The following SMIM3 variants were observed in gnomAD, a reference collection of about 807,000 sequenced individuals.
SMIM3 encodes the protein NGF-induced differentiation clone 67 protein.
Under a neutral mutation model 2.1 loss-of-function variants are expected in SMIM3, and 4 were observed. The ratio of observed to expected loss-of-function variants is 1.89; its 90% confidence interval spans 0.93 to 4.31. The LOEUF is 4.31. Among genes scored for constraint, SMIM3 ranks in the 30% most tolerant of loss-of-function variants. The probability of loss-of-function intolerance (pLI) is 0.01; values close to 1 mark genes in which losing one functional copy is unlikely to be tolerated. For synonymous variants in SMIM3, 29 were observed against 30.8 expected (o/e 0.94, Z 0.19); for missense variants, 79 against 77.7 (o/e 1.02, Z -0.06).
At position 150,793,537 on chromosome 5, in the gene SMIM3, C is replaced by G. The variant is rs114542585; in HGVS notation, c.-11-1893C>G. On this transcript the variant is annotated intron_variant, in intron 1 of 1. Coordinates refer to ENST00000526627, the MANE Select transcript of SMIM3 (RefSeq NM_032947.5). ...AACCCAAATACTTACAGCAAACTGA[C>G]CTTCAACAAAGCAAACAAAAACATG... 9.5e-3 allele frequency among the ~76,000 whole-genome samples: 1,439 copies of G among 152,210 alleles called. 23 individuals carry two copies. Among genetic ancestry groups the G allele is most frequent in the African/African-American group, 0.033 (1,362 of 41,538 alleles).
chr5:150,791,194 TA>T, intron 1 of SMIM3, among the ~76,000 whole-genome samples: 1 of 152,344 alleles, frequency 6.6e-6, no homozygotes, highest in East Asian at 1.9e-4. Context: ...CCTATTTCCC[TA>T]CTTAATTCTA....
intron 1 of SMIM3, among the ~76,000 whole-genome samples, chr5:150,788,607 C>G (rs961839850): frequency 1.4e-5 from 2 of 143,712 alleles, no homozygotes; most frequent in African/African-American, 5.4e-5. Context: ...GCACTCCAGC[C>G]TGGGCAACTG....
At chr5:150,786,410 C>T (rs1753294041) in intron 1 of SMIM3, among the ~76,000 whole-genome samples, 1 of 152,144 alleles carries the variant, frequency 6.6e-6, no homozygotes, top group Admixed American at 6.5e-5. Context: ...ACCTCAGCCT[C>T]CTGAGTAGCT....
chr5:150,782,561 C>T (rs545590125), intron 1 of SMIM3, among the ~76,000 whole-genome samples: 3 of 152,268 alleles, frequency 2.0e-5, no homozygotes, highest in South Asian at 2.1e-4. Flanking sequence ...TAGAGGGCTT[C>T]GTTCTGAAAG....
intron 1 of SMIM3, among the ~76,000 whole-genome samples, chr5:150,794,908 G>A (rs898194739): frequency 6.6e-6 from 1 of 152,094 alleles, no homozygotes; most frequent in African/African-American, 2.4e-5. Flanking sequence ...GTGTCCCAAC[G>A]AAACCACACA....
At chr5:150,783,703 C>T (rs569844274) in intron 1 of SMIM3, among the ~76,000 whole-genome samples, 1 of 152,296 alleles carries the variant, frequency 6.6e-6, no homozygotes, top group Admixed American at 6.5e-5. Flanking sequence ...GCAGTAAAAC[C>T]GGTTGGATAA....
rs988832322 is a variant in SMIM3 at position 150,796,382 on chromosome 5, G to T, written c.*759G>T. 1 of 152,336 alleles carries T rather than the reference G, an allele frequency of 6.6e-6. No individual in the cohort carries two copies. The highest frequency in any genetic ancestry group is 6.6e-5 in the Admixed American group (1 of 15,266). 9.4% of individuals were successfully genotyped at this position (152,336 alleles called of 1,614,324 possible). A position where few individuals can be genotyped will look rare whatever the true frequency, so the allele number is the denominator to read the frequency against. ...ATCTCTGGCCCCCATCCCCTTGTGTGTGTCCCTCTGCCCAGCTCCTGCTGT... is the reference window on the plus strand; with the variant it reads ...ATCTCTGGCCCCCATCCCCTTGTGTTTGTCCCTCTGCCCAGCTCCTGCTGT... On this transcript the variant is annotated 3_prime_UTR_variant, in exon 2 of 2. Coordinates refer to ENST00000526627, the MANE Select transcript of SMIM3 (RefSeq NM_032947.5).
intron 1 of SMIM3, among the ~76,000 whole-genome samples, chr5:150,781,547 T>G (rs1753232767): frequency 6.6e-6 from 1 of 152,230 alleles, no homozygotes; most frequent in Non-Finnish European, 1.5e-5. Flanking sequence ...ATTTGCACTC[T>G]GATTGGCTGA....
chr5:150,794,408 G>A (rs979572685), intron 1 of SMIM3, among the ~76,000 whole-genome samples: 14 of 152,096 alleles, frequency 9.2e-5, no homozygotes. Context: ...CAAAATCATG[G>A]AACAAACCCA....
chr5:150,784,763 G>T (rs531031264), intron 1 of SMIM3, among the ~76,000 whole-genome samples: 1 of 152,032 alleles, frequency 6.6e-6, no homozygotes, highest in African/African-American at 2.4e-5. Context: ...GTACCCTAAC[G>T]GTCCTTGTTA....
At chr5:150,779,654 C>T (rs960952852) in intron 1 of SMIM3, among the ~76,000 whole-genome samples, 1 of 152,114 alleles carries the variant, frequency 6.6e-6, no homozygotes, top group Admixed American at 6.6e-5. Flanking sequence ...TTCCTGAGGA[C>T]GTAGTTGTTC....
chr5:150,779,610 C>T (rs1187576036), intron 1 of SMIM3, among the ~76,000 whole-genome samples: 1 of 152,182 alleles, frequency 6.6e-6, no homozygotes, highest in Non-Finnish European at 1.5e-5. Context: ...GAGAAGGCTT[C>T]CTTCAAGCTC....
At chr5:150,792,711 A>C (rs938384644) in intron 1 of SMIM3, among the ~76,000 whole-genome samples, 3 of 152,036 alleles carry the variant, frequency 2.0e-5, no homozygotes, top group African/African-American at 4.8e-5. Context: ...ATTAGCATTA[A>C]ATTAGATTAA....
intron 1 of SMIM3, among the ~76,000 whole-genome samples, chr5:150,779,504 T>A (rs1486005153): frequency 2.0e-5 from 3 of 152,188 alleles, no homozygotes; most frequent in Non-Finnish European, 4.4e-5. Context: ...TGTCACTAAC[T>A]GCTTCACCAT....
chr5:150,780,388 A>C (rs1753219241), intron 1 of SMIM3, among the ~76,000 whole-genome samples: 1 of 152,134 alleles, frequency 6.6e-6, no homozygotes, highest in South Asian at 2.1e-4. Context: ...CTGCAGTGAC[A>C]ACTGAAAAAA....
chr5:150,791,332 A>T (rs756209633), intron 1 of SMIM3, among the ~76,000 whole-genome samples: 2 of 152,054 alleles, frequency 1.3e-5, no homozygotes, highest in Non-Finnish European at 2.9e-5. Context: ...AAATAAATTA[A>T]TTTTTTTATC....
In SMIM3 at chr5:150,778,832, C is replaced by T. The variant is rs1753201583; in HGVS notation, c.-152C>T. On this transcript the variant is annotated 5_prime_UTR_variant, in exon 1 of 2. In the 5' UTR this introduces an upstream ATG that the reference lacks. Transcript: ENST00000526627. ...CCCGGGGCTCGGAGGAGCCGGGGCA[C>T]GTTCCAGGAGCTGCCTAGGGCTGAG... is the stretch of plus-strand genomic sequence containing the variant. 2 of 477,072 alleles carry T rather than the reference C, an allele frequency of 4.2e-6. No individual in the cohort carries two copies. Among genetic ancestry groups the T allele is most frequent in the South Asian group, 3.1e-5 (2 of 64,936 alleles). The allele number at this position is 477,072 out of a possible 1,614,324, so 29.6% of individuals were successfully genotyped here. A position where few individuals can be genotyped will look rare whatever the true frequency, so the allele number is the denominator to read the frequency against.
intron 1 of SMIM3, among the ~76,000 whole-genome samples, chr5:150,784,763 G>A (rs531031264): frequency 6.6e-6 from 1 of 151,914 alleles, no homozygotes; most frequent in Non-Finnish European, 1.5e-5. Context: ...GTACCCTAAC[G>A]GTCCTTGTTA....
rs183283557 is a variant in SMIM3 at position 150,779,662 on chromosome 5, T to C, written c.-12+690T>C. Among the ~76,000 whole-genome samples the C allele has an allele frequency of 1.7e-4, 26 of 152,318 alleles. No homozygotes were observed. The East Asian group carries it at 5.0e-3, about 29-fold the overall frequency. On this transcript the variant is annotated intron_variant, in intron 1 of 1. Coordinates refer to ENST00000526627, the MANE Select transcript of SMIM3 (RefSeq NM_032947.5). Reference sequence around the variant, plus strand: ...TGTCCCTTTCCTGAGGACGTAGTTGTTCCAGTTGCTGGTTGTTTTGCTCCC... The same window carrying C: ...TGTCCCTTTCCTGAGGACGTAGTTGCTCCAGTTGCTGGTTGTTTTGCTCCC...
Sources: gnomAD v4.1 joint callset for allele counts (sites outside exome capture counted in the v4.1 genomes callset) on GRCh38, gnomAD v4.1.1 for gene constraint, MANE v1.5 for transcripts, NCBI Gene and HGNC (gene_info 2026-07-23, HGNC 2026-07-21) for gene names.